DLG2: variants seen among roughly 807,000 people sequenced by gnomAD.
DLG2 encodes disks large homolog 2.
Under a neutral mutation model 132.5 loss-of-function variants are expected in DLG2, and 45 were observed. The ratio of observed to expected loss-of-function variants is 0.34; its 90% CI spans 0.27 to 0.44. DLG2 has a LOEUF of 0.44. DLG2 is among the 20% of genes least tolerant of loss of function. The pLI, the probability that DLG2 is intolerant of heterozygous loss-of-function variation, is 1.00. For synonymous variants in DLG2, 424 were observed against 419.6 expected (o/e 1.01, Z -0.13); for missense variants, 1,045 against 1,196.9 (o/e 0.87, Z 1.87).
intron 6 of DLG2, among the ~76,000 whole-genome samples, chr11:84,874,444 G>A (rs2085994968): frequency 6.6e-6 from 1 of 152,080 alleles, no homozygotes; most frequent in Non-Finnish European, 1.5e-5. Flanking sequence ...GAGAGAGAGG[G>A]ATTGGCCTGA....
At chr11:85,083,498 C>T (rs1021102100) in intron 6 of DLG2, among the ~76,000 whole-genome samples, 1 of 152,122 alleles carries the variant, frequency 6.6e-6, no homozygotes, top group Admixed American at 6.5e-5. Flanking sequence ...GTCCTGAGAA[C>T]ATGTGCCCAA....
At chr11:85,200,795 C>G (rs1365037776) in intron 4 of DLG2, among the ~76,000 whole-genome samples, 1 of 152,184 alleles carries the variant, frequency 6.6e-6, no homozygotes, top group East Asian at 1.9e-4. Flanking sequence ...GGACCTCCCT[C>G]TCAGCTCCAG....
chr11:84,610,435 T>C (rs1381944532), intron 6 of DLG2, among the ~76,000 whole-genome samples: 1 of 152,084 alleles, frequency 6.6e-6, no homozygotes, highest in Non-Finnish European at 1.5e-5. Context: ...TTCATCAATA[T>C]AGTCATATCA....
chr11:85,485,491 G>T (rs1258467809), intron 3 of DLG2, among the ~76,000 whole-genome samples: 1 of 152,134 alleles, frequency 6.6e-6, no homozygotes, highest in Non-Finnish European at 1.5e-5. Flanking sequence ...AACCAGAATA[G>T]TAAATAAACA....
intron 9 of DLG2, among the ~76,000 whole-genome samples, chr11:84,138,810 G>T (rs1278902189): frequency 1.3e-5 from 2 of 152,036 alleles, no homozygotes; most frequent in Non-Finnish European, 2.9e-5. Context: ...TTAGCCTAGC[G>T]TGGTGGCACA....
rs147381562 is a variant in DLG2, at chr11:85,080,432, T to G, written c.357+31229A>C. On this transcript the variant is annotated intron_variant, in intron 6 of 27. Transcript: ENST00000376104. ...ACTCATGGGTAGCTAAACATTTAAATGATCTAATATTAACTCATAGAACAA... is the reference window on the plus strand; with the variant it reads ...ACTCATGGGTAGCTAAACATTTAAAGGATCTAATATTAACTCATAGAACAA... Among the ~76,000 whole-genome samples the G allele has an allele frequency of 2.5e-3, 379 of 152,278 alleles. 11 individuals carry two copies. The East Asian group carries it at 0.062, about 25-fold the overall frequency.
At chr11:84,316,440 GA>G (rs951083341) in intron 7 of DLG2, among the ~76,000 whole-genome samples, 8 of 152,134 alleles carry the variant, frequency 5.3e-5, no homozygotes, top group African/African-American at 1.9e-4. Flanking sequence ...TGCCTTTAAA[GA>G]GATGGAAAGT....
chr11:84,299,600 T>C (rs773301487), intron 7 of DLG2, among the ~76,000 whole-genome samples: 5 of 152,084 alleles, frequency 3.3e-5, no homozygotes, highest in South Asian at 2.1e-4. Flanking sequence ...AGAAGAAGAA[T>C]GATGAAAATA....
At chr11:83,984,086 A>T (rs937333831) in intron 11 of DLG2, among the ~76,000 whole-genome samples, 1 of 152,058 alleles carries the variant, frequency 6.6e-6, no homozygotes, top group Non-Finnish European at 1.5e-5. Context: ...AATTACCACC[A>T]TAAAAACGGG....
intron 4 of DLG2, among the ~76,000 whole-genome samples, chr11:85,237,192 A>G (rs534162471): frequency 2.0e-4 from 30 of 152,200 alleles, no homozygotes; most frequent in Non-Finnish European, 3.7e-4. Context: ...AAAGCAGAAA[A>G]GAATCTAGAT....
intron 18 of DLG2, among the ~76,000 whole-genome samples, chr11:83,676,809 C>T (rs2077778892): frequency 6.6e-6 from 1 of 152,238 alleles, no homozygotes; most frequent in South Asian, 2.1e-4. Flanking sequence ...ATCACACTTG[C>T]AACTAAGGGC....
rs567712999 is a variant in DLG2, at chr11:83,816,309, GC to G, written c.1722+17304del. Among the ~76,000 whole-genome samples the G allele has an allele frequency of 1.2e-3, 182 of 152,256 alleles. 1 individual carries two copies. Among genetic ancestry groups the G allele is most frequent in the Middle Eastern group, 0.01 (3 of 294 alleles). ...CAAGATCTTCTTTTAAGGAGCTGTT[GC>G]CATATGTCTCCATTCTAAACTGGTA... On this transcript the variant is annotated intron_variant, in intron 17 of 27. Coordinates refer to ENST00000376104, the MANE Select transcript of DLG2 (RefSeq NM_001142699.3).
intron 15 of DLG2, among the ~76,000 whole-genome samples, chr11:83,899,967 G>A (rs192215470): frequency 6.6e-6 from 1 of 152,296 alleles, no homozygotes; most frequent in East Asian, 1.9e-4. Flanking sequence ...TGCTGATAGT[G>A]ATATGGACAA....
chr11:83,544,542 G>C (rs2141676400), intron 19 of DLG2, among the ~76,000 whole-genome samples: 1 of 152,142 alleles, frequency 6.6e-6, no homozygotes, highest in Admixed American at 6.5e-5. Context: ...ACCAGAACTT[G>C]GGTCTCCAGA....
chr11:85,294,547 T>C (rs2079104847), intron 3 of DLG2, among the ~76,000 whole-genome samples: 1 of 152,164 alleles, frequency 6.6e-6, no homozygotes, highest in South Asian at 2.1e-4. Flanking sequence ...TTATGCAAGT[T>C]ACTTAACTTC....
At chr11:84,048,312 A>G (rs1039933020) in intron 11 of DLG2, among the ~76,000 whole-genome samples, 4 of 151,594 alleles carry the variant, frequency 2.6e-5, no homozygotes, top group African/African-American at 9.7e-5. Flanking sequence ...AGGTTGCACT[A>G]TATATATACT....
chr11:84,464,928 C>T (rs2099090099), intron 7 of DLG2, among the ~76,000 whole-genome samples: 1 of 150,938 alleles, frequency 6.6e-6, no homozygotes, highest in Non-Finnish European at 1.5e-5. Flanking sequence ...ATGAATGACC[C>T]TAAATATAAA....
chr11:85,481,371 T>C (rs72953926), intron 3 of DLG2, among the ~76,000 whole-genome samples: 4,162 of 152,196 alleles, frequency 0.027, 99 homozygotes, highest in East Asian at 0.096. Context: ...CAAAAATACT[T>C]TCACAATAGG....
chr11:85,000,141 T>A (rs2058069269), intron 6 of DLG2, among the ~76,000 whole-genome samples: 1 of 152,180 alleles, frequency 6.6e-6, no homozygotes, highest in South Asian at 2.1e-4. Context: ...AGGACTATAC[T>A]GTTAGAAACA....
Sources: allele counts gnomAD v4.1 joint callset (sites outside exome capture counted in the v4.1 genomes callset), GRCh38; gene constraint gnomAD v4.1.1; transcripts MANE v1.5; gene names NCBI Gene and HGNC (gene_info 2026-07-23, HGNC 2026-07-21).